The following GSN variants were observed in gnomAD, a reference collection of about 807,000 sequenced individuals.
GSN encodes the protein actin-depolymerizing factor.
In GSN, 56 loss-of-function variants were observed where a neutral mutation model predicts 85.7. That is an observed-to-expected ratio of 0.65 (90% confidence interval 0.53 to 0.82). The LOEUF (loss-of-function observed/expected upper bound fraction) is 0.82. Ranked by LOEUF, GSN falls within the 40% of genes least tolerant of loss-of-function variation. The probability of loss-of-function intolerance (pLI) is 0.00; values close to 1 mark genes in which losing one functional copy is unlikely to be tolerated. For missense variants in GSN, 857 were observed against 979.8 expected (o/e 0.87, Z 1.67); for synonymous variants, 373 against 399.1 (o/e 0.93, Z 0.78).
At chr9:121,235,089 T>C (rs950632796) in intron 5 of GSN, among the ~76,000 whole-genome samples, 1 of 152,166 alleles carries the variant, frequency 6.6e-6, no homozygotes, top group African/African-American at 2.4e-5. Context: ...CACCATCCTT[T>C]CCTAAAGGAA....
At chr9:121,208,340 C>T (rs962041199) in intron 1 of GSN, among the ~76,000 whole-genome samples, 1 of 152,162 alleles carries the variant, frequency 6.6e-6, no homozygotes, top group Non-Finnish European at 1.5e-5. Context: ...TGAACCCCTT[C>T]CCCAGTTGGA....
chr9:121,215,224 C>T (rs1001956606), intron 4 of GSN, among the ~76,000 whole-genome samples: 1 of 150,260 alleles, frequency 6.7e-6, no homozygotes, highest in South Asian at 2.1e-4. Flanking sequence ...GACCCCCCCC[C>T]CCACACTCAT....
At chr9:121,254,460 T>C (rs2054907073) in intron 6 of GSN, among the ~76,000 whole-genome samples, 1 of 152,256 alleles carries the variant, frequency 6.6e-6, no homozygotes, top group African/African-American at 2.4e-5. Context: ...CTCAGACTCC[T>C]GTCTCCGGGG....
At chr9:121,281,841 A>G (rs1340457200) in intron 2 of GSN, 1 of 471,158 alleles carries the variant, frequency 2.1e-6, no homozygotes, top group Non-Finnish European at 4.4e-6. Context: ...GTTGCTTGCT[A>G]TGTGACTTTA....
At position 121,291,495 on chromosome 9, in the gene GSN, C is replaced by T. The variant is rs541452068; in HGVS notation, c.-10+9933C>T. Reference sequence around the variant, plus strand: ...GTGCAGTGGCGCGATCTCGGCTCACCGCAACCTCCATCTCGTGGGTTCAAG... The same window carrying T: ...GTGCAGTGGCGCGATCTCGGCTCACTGCAACCTCCATCTCGTGGGTTCAAG... On this transcript the variant is annotated intron_variant, in intron 2 of 17. Coordinates refer to ENST00000432226, the MANE Select transcript of GSN (RefSeq NM_198252.3). 6.0e-5 allele frequency among the ~76,000 whole-genome samples: 9 copies of T among 150,024 alleles called. No homozygotes were observed. The South Asian group carries it at 1.5e-3, about 25-fold the overall frequency.
intron 4 of GSN, among the ~76,000 whole-genome samples, chr9:121,219,879 C>A (rs895102419): frequency 1.3e-5 from 2 of 151,352 alleles, no homozygotes; most frequent in African/African-American, 2.4e-5. Context: ...TTTCTTTTTT[C>A]TTTTCTTTTT....
At chr9:121,278,068 A>G (rs563241205) in intron 1 of GSN, among the ~76,000 whole-genome samples, 137 of 147,322 alleles carry the variant, frequency 9.3e-4, no homozygotes, top group African/African-American at 3.2e-3. Flanking sequence ...TTTTTTTTCT[A>G]GTCAGCAAGA....
Position 121,310,731 on chromosome 9 carries a change from G to A in GSN, c.399G>A (p.Val133=). The change falls in exon 5 of 18, where the codon GTG becomes GTA. Residue 133 remains valine, a synonymous_variant. Coordinates refer to ENST00000432226, the MANE Select transcript of GSN (RefSeq NM_198252.3). ...TCAAGCACGTGGTACCCAACGAGGT[G>A]GTGGTGCAGAGACTCTTCCAGGTCA... The part of the protein sequence containing the change: ...SGFKHVVPNE[V]VVQRLFQVKG... 6.2e-7 allele frequency: 1 copy of A among 1,614,160 alleles called. No homozygotes were observed. The highest frequency in any genetic ancestry group is 8.5e-7 in the Non-Finnish European group (1 of 1,179,998).
At chr9:121,304,643 C>T (rs895639514) in intron 4 of GSN, among the ~76,000 whole-genome samples, 1 of 152,254 alleles carries the variant, frequency 6.6e-6, no homozygotes, top group Non-Finnish European at 1.5e-5. Flanking sequence ...ACAGCAGCAC[C>T]AGCTCATTGT....
At chr9:121,317,635 G>A (rs1027231629) in intron 8 of GSN, 11 of 288,944 alleles carry the variant, frequency 3.8e-5, no homozygotes, top group Admixed American at 1.9e-4. Flanking sequence ...AAGATGATCT[G>A]GTTTGGGAAA....
intron 6 of GSN, among the ~76,000 whole-genome samples, chr9:121,260,903 G>A (rs2055069476): frequency 6.6e-6 from 1 of 152,206 alleles, no homozygotes; most frequent in Non-Finnish European, 1.5e-5. Context: ...GAGGAGAAAG[G>A]AGGGAGATCA....
intron 2 of GSN, among the ~76,000 whole-genome samples, chr9:121,300,972 C>T (rs1041625374): frequency 3.3e-5 from 5 of 152,208 alleles, no homozygotes; most frequent in African/African-American, 7.2e-5. Flanking sequence ...CTGCTGTCTG[C>T]CAGGCCCCGT....
intron 5 of GSN, among the ~76,000 whole-genome samples, chr9:121,246,711 T>C (rs927383354): frequency 5.3e-5 from 8 of 152,194 alleles, no homozygotes; most frequent in African/African-American, 1.9e-4. Flanking sequence ...CACCCTCTCA[T>C]TGCAGACCAG....
chr9:121,324,105 G>A (rs1309630960), intron 11 of GSN, among the ~76,000 whole-genome samples: 2 of 152,318 alleles, frequency 1.3e-5, no homozygotes, highest in East Asian at 3.9e-4. Context: ...GTGAACATCT[G>A]TGCAGACCTC....
chr9:121,259,659 C>A (rs1038329069), intron 6 of GSN, among the ~76,000 whole-genome samples: 1 of 152,062 alleles, frequency 6.6e-6, no homozygotes, highest in African/African-American at 2.4e-5. Flanking sequence ...TGGCCACCAA[C>A]GCCAGGCTAA....
At chr9:121,307,839 T>TCCTGTCTTTCTGCGCTTCC (rs1161934890) in intron 4 of GSN, among the ~76,000 whole-genome samples, 10 of 151,872 alleles carry the variant, frequency 6.6e-5, no homozygotes, top group Non-Finnish European at 1.5e-4. Context: ...CTCAGAACCC[T>TCCTGTCTTTCTGCGCTTCC]CCTGTCTTTC....
At chr9:121,317,908 C>T (rs1028116904) in intron 8 of GSN, 2 of 205,932 alleles carry the variant, frequency 9.7e-6, no homozygotes, top group Non-Finnish European at 2.0e-5. Context: ...CCCCTGGGCC[C>T]TGGGCCAGCT....
rs1393577480 is a variant in GSN, at chr9:121,318,885, G to A, written c.1191+5G>A. The A allele has an allele frequency of 6.8e-6, 11 of 1,610,308 alleles. No homozygotes were observed. Among genetic ancestry groups the A allele is most frequent in the Admixed American group, 3.3e-5 (2 of 60,026 alleles). On this transcript the variant is annotated splice_donor_5th_base_variant and intron_variant, in intron 10 of 17. Coordinates refer to ENST00000432226, the MANE Select transcript of GSN (RefSeq NM_198252.3). This position sits in a 1 kb window ranked among gnomAD's most constrained non-coding sequence, Gnocchi z 4.3. ...GATGGCACAGGCCAGAAACAGGTAC[G>A]TTTAGGGCGTGGGGTGGGTGTGTCC...
At chr9:121,252,820 T>C (rs2132248473) in intron 6 of GSN, among the ~76,000 whole-genome samples, 1 of 152,336 alleles carries the variant, frequency 6.6e-6, no homozygotes, top group African/African-American at 2.4e-5. Flanking sequence ...TACTATAATA[T>C]AACCTAACTT....
Sources: allele counts gnomAD v4.1 joint callset (sites outside exome capture counted in the v4.1 genomes callset), GRCh38; gene constraint gnomAD v4.1.1; non-coding constraint Gnocchi (gnomAD v3.1); transcripts MANE v1.5; gene names NCBI Gene and HGNC (gene_info 2026-07-23, HGNC 2026-07-21).